The following KIF26B variants were observed in gnomAD, a reference collection of about 807,000 sequenced individuals.
The protein encoded by KIF26B is kinesin family member 26B, also known as kinesin-like protein KIF26B.
A neutral mutation model predicts 151.2 loss-of-function variants in KIF26B; 63 were observed. The ratio of observed to expected loss-of-function variants is 0.42; its 90% CI spans 0.34 to 0.51. KIF26B has a LOEUF of 0.51. Ranked by LOEUF, KIF26B falls within the 20% of genes least tolerant of loss-of-function variation. KIF26B has a pLI of 0.07. For synonymous variants in KIF26B, 1,357 were observed against 1,262.1 expected (o/e 1.08, Z -1.59); for missense variants, 2,813 against 2,913.6 (o/e 0.97, Z 0.79).
chr1:245,285,289 C>G (rs536212550), intron 2 of KIF26B, among the ~76,000 whole-genome samples: 20 of 152,312 alleles, frequency 1.3e-4, no homozygotes, highest in Non-Finnish European at 2.4e-4. Flanking sequence ...TGCAATGCCT[C>G]CTAAGGTCTA....
At chr1:245,164,542 C>G (rs1668584129) in intron 2 of KIF26B, among the ~76,000 whole-genome samples, 1 of 152,214 alleles carries the variant, frequency 6.6e-6, no homozygotes, top group Non-Finnish European at 1.5e-5. Flanking sequence ...AGCGTTCCAG[C>G]CACAGGAAAC....
intron 4 of KIF26B, among the ~76,000 whole-genome samples, chr1:245,504,392 CTCCT>C: frequency 6.8e-6 from 1 of 146,420 alleles, no homozygotes; most frequent in Non-Finnish European, 1.5e-5. Context: ...CCCTCCTTCC[CTCCT>C]TCCCTCCCTC....
intron 9 of KIF26B, among the ~76,000 whole-genome samples, chr1:245,628,289 C>G (rs1255928750): frequency 6.6e-6 from 1 of 152,164 alleles, no homozygotes; most frequent in African/African-American, 2.4e-5. Context: ...TCGAGACCAG[C>G]CTGCCAACAT....
intron 2 of KIF26B, among the ~76,000 whole-genome samples, chr1:245,263,729 A>C (rs1229984430): frequency 6.6e-6 from 1 of 152,212 alleles, no homozygotes; most frequent in Non-Finnish European, 1.5e-5. Flanking sequence ...ACTGTGGAGG[A>C]TTCTTCTCCT....
chr1:245,548,930 A>G (rs1661815044), intron 5 of KIF26B, among the ~76,000 whole-genome samples: 1 of 152,052 alleles, frequency 6.6e-6, no homozygotes, highest in South Asian at 2.1e-4. Context: ...TTTTTAGTAG[A>G]GGTGGGGTTT....
At chr1:245,648,559 C>T (rs916804421) in intron 10 of KIF26B, among the ~76,000 whole-genome samples, 8 of 151,438 alleles carry the variant, frequency 5.3e-5, no homozygotes, top group Admixed American at 2.6e-4. Context: ...GGCTTGAGTC[C>T]AGGAGGCAGA....
chr1:245,155,070 G>C lies in KIF26B; in HGVS notation c.-355G>C. 1 of 472,742 alleles carries C rather than the reference G, an allele frequency of 2.1e-6. No homozygotes were observed. Among genetic ancestry groups the C allele is most frequent in the South Asian group, 4.6e-5 (1 of 21,852 alleles). The allele number at this position is 472,742 out of a possible 1,614,324, so 29.3% of individuals were successfully genotyped here. On this transcript the variant is annotated 5_prime_UTR_variant, in exon 1 of 15. Transcript: ENST00000407071. ...CTTCCCGGCAGCGGCCGCGAGCCCT[G>C]ATTGTATCCCTCGCTTTCCTCGTGG...
Position 245,482,139 on chromosome 1 carries a change from T to C in KIF26B, c.1167-58628T>C, listed in dbSNP as rs1660179683. ...CAGAGTCTTGCTCTGTCACCCAGGC[T>C]GGAGTGCAGTGGCACGATCTCGGCT... On this transcript the variant is annotated intron_variant, in intron 4 of 14. Coordinates refer to ENST00000407071, the MANE Select transcript of KIF26B (RefSeq NM_018012.4). Among the ~76,000 whole-genome samples, 5 of 151,870 alleles carry C rather than the reference T, an allele frequency of 3.3e-5. No individual in the cohort carries two copies. In the South Asian group the frequency reaches 1.0e-3, roughly 32 times the overall value.
intron 3 of KIF26B, among the ~76,000 whole-genome samples, chr1:245,406,357 G>A (rs1261849060): frequency 2.0e-5 from 3 of 152,192 alleles, no homozygotes; most frequent in African/African-American, 7.2e-5. Context: ...AGTTAATTTG[G>A]TCCAGCCTGT....
Position 245,648,019 on chromosome 1 carries a change from G to C in KIF26B, c.2258+1739G>C, listed in dbSNP as rs77983971. On this transcript the variant is annotated intron_variant, in intron 10 of 14. Coordinates refer to ENST00000407071, the MANE Select transcript of KIF26B (RefSeq NM_018012.4). ...TTCAGCTTGTGGGGAGAAAGGGCAGGGGAGGGAAACCGTTGGAGTTGGAGA... is the reference window on the plus strand; with the variant it reads ...TTCAGCTTGTGGGGAGAAAGGGCAGCGGAGGGAAACCGTTGGAGTTGGAGA... 3.4e-3 allele frequency among the ~76,000 whole-genome samples: 517 copies of C among 152,318 alleles called. 1 individual carries two copies. The highest frequency in any genetic ancestry group is 0.011 in the African/African-American group (466 of 41,570).
chr1:245,492,883 C>T (rs1030576320), intron 4 of KIF26B, among the ~76,000 whole-genome samples: 6 of 152,058 alleles, frequency 3.9e-5, no homozygotes, highest in Non-Finnish European at 8.8e-5. Context: ...CGGGTTCAAG[C>T]GATTCTCCTG....
chr1:245,211,873 G>A (rs924437737), intron 2 of KIF26B, among the ~76,000 whole-genome samples: 1 of 152,152 alleles, frequency 6.6e-6, no homozygotes, highest in Non-Finnish European at 1.5e-5. Flanking sequence ...CTGCTTGCTG[G>A]CACCGCACCG....
intron 2 of KIF26B, among the ~76,000 whole-genome samples, chr1:245,243,098 C>G (rs1177106492): frequency 1.3e-5 from 2 of 152,182 alleles, no homozygotes; most frequent in Non-Finnish European, 2.9e-5. Context: ...AGGAGGTAAA[C>G]TGTCAAGTCA....
intron 5 of KIF26B, among the ~76,000 whole-genome samples, chr1:245,570,244 A>G (rs2043054536): frequency 6.6e-6 from 1 of 152,034 alleles, no homozygotes; most frequent in Non-Finnish European, 1.5e-5. Context: ...CCTGAGAAAA[A>G]TATTTTTGAT....
intron 4 of KIF26B, among the ~76,000 whole-genome samples, chr1:245,424,210 C>T (rs1658568639): frequency 6.6e-6 from 1 of 152,022 alleles, no homozygotes; most frequent in Admixed American, 6.6e-5. Context: ...GGCTGGAGTG[C>T]AGTGGCGCGA....
In KIF26B at chr1:245,218,324, G is replaced by C. The variant is rs190234354; in HGVS notation, c.465+61641G>C. On this transcript the variant is annotated intron_variant, in intron 2 of 14. Transcript: ENST00000407071. The surrounding 1 kb of genome is among the most constrained non-coding windows in gnomAD (Gnocchi z 4.1). Reference sequence around the variant, plus strand: ...GGTCTGGTTAGCATAAGATAAACAGGGATAGTAGCAGCAGTTGTCACTCTG... The same window carrying C: ...GGTCTGGTTAGCATAAGATAAACAGCGATAGTAGCAGCAGTTGTCACTCTG... Among the ~76,000 whole-genome samples, 23 of 152,162 alleles carry C rather than the reference G, an allele frequency of 1.5e-4. No homozygotes were observed. Among genetic ancestry groups the C allele is most frequent in the African/African-American group, 5.1e-4 (21 of 41,482 alleles).
chr1:245,616,954 C>T (rs1315874467), intron 9 of KIF26B, among the ~76,000 whole-genome samples: 2 of 152,154 alleles, frequency 1.3e-5, no homozygotes, highest in African/African-American at 4.8e-5. Flanking sequence ...TCTTTATTGC[C>T]TCTGTGGGGA....
intron 10 of KIF26B, among the ~76,000 whole-genome samples, chr1:245,677,366 C>T (rs1044769096): frequency 1.2e-4 from 18 of 152,256 alleles, no homozygotes; most frequent in Admixed American, 4.6e-4. Context: ...TCACCTTCAT[C>T]GGAAGACTTG....
chr1:245,261,471 C>T (rs1377789277), intron 2 of KIF26B, among the ~76,000 whole-genome samples: 7 of 10,576 alleles, frequency 6.6e-4, no homozygotes, highest in Admixed American at 3.8e-3. Context: ...CTTTCTTTCT[C>T]TCTCTCTCTC....
Sources: allele counts gnomAD v4.1 joint callset (sites outside exome capture counted in the v4.1 genomes callset), GRCh38; gene constraint gnomAD v4.1.1; non-coding constraint Gnocchi (gnomAD v3.1); transcripts MANE v1.5; gene names NCBI Gene and HGNC (gene_info 2026-07-23, HGNC 2026-07-21).